Variants in PRKG1 observed in about 807,000 individuals in gnomAD.
PRKG1 encodes protein kinase cGMP-dependent 1.
PRKG1 carries 35 observed loss-of-function variants against 88.1 expected under a neutral mutation model. The ratio of observed to expected loss-of-function variants is 0.40; its 90% CI spans 0.30 to 0.53. PRKG1 has a LOEUF of 0.53. PRKG1 is among the 20% of genes least tolerant of loss of function. The pLI, the probability that PRKG1 is intolerant of heterozygous loss-of-function variation, is 0.59. For missense variants in PRKG1, 540 were observed against 839.8 expected (o/e 0.64, Z 4.41); for synonymous variants, 303 against 292.5 (o/e 1.04, Z -0.37).
At chr10:51,627,958 C>CT (rs772240431) in intron 3 of PRKG1, among the ~76,000 whole-genome samples, 1 of 16,508 alleles carries the variant, frequency 6.1e-5, no homozygotes, top group Non-Finnish European at 1.7e-4. Flanking sequence ...TTCTTTCTTT[C>CT]TTTCTTTCTT....
intron 3 of PRKG1, among the ~76,000 whole-genome samples, chr10:51,634,251 G>A (rs527365736): frequency 6.6e-6 from 1 of 152,254 alleles, no homozygotes; most frequent in African/African-American, 2.4e-5. Context: ...AGAAAAAGAA[G>A]AGAGGATTTG....
chr10:51,492,367 C>G (rs1209421518), intron 3 of PRKG1, among the ~76,000 whole-genome samples: 1 of 151,846 alleles, frequency 6.6e-6, no homozygotes, highest in African/African-American at 2.4e-5. Flanking sequence ...CCAAATAATC[C>G]AACTTTTAAA....
At chr10:52,010,742 A>G (rs1223948830) in intron 5 of PRKG1, among the ~76,000 whole-genome samples, 1 of 152,174 alleles carries the variant, frequency 6.6e-6, no homozygotes, top group Non-Finnish European at 1.5e-5. Context: ...GCGAATTCCT[A>G]TTCTTTATGA....
intron 4 of PRKG1, among the ~76,000 whole-genome samples, chr10:51,841,165 A>G (rs963750128): frequency 2.1e-4 from 32 of 152,324 alleles, no homozygotes; most frequent in Admixed American, 4.6e-4. Context: ...CTTTATCTCC[A>G]GTAAGTCAAT....
At chr10:51,626,548 C>A (rs907704708) in intron 3 of PRKG1, among the ~76,000 whole-genome samples, 10 of 152,154 alleles carry the variant, frequency 6.6e-5, no homozygotes, top group Non-Finnish European at 1.2e-4. Context: ...TTTGTCCAAA[C>A]AACCCACAAA....
chr10:52,272,616 A>G, intron 12 of PRKG1, 135 bp downstream of exon 12: 1 of 687,038 alleles, frequency 1.5e-6, no homozygotes, highest in Non-Finnish European at 2.5e-6. Flanking sequence ...ATTTAAAGTA[A>G]GCACAGGGCA....
intron 1 of PRKG1, among the ~76,000 whole-genome samples, chr10:51,121,823 T>C (rs2879520): frequency 0.8 from 121,204 of 152,074 alleles, 48,883 homozygotes; most frequent in South Asian, 0.88. Context: ...TGAATGGTCT[T>C]GCACAGTAAT....
At chr10:51,561,421 G>T (rs1837458883) in intron 3 of PRKG1, among the ~76,000 whole-genome samples, 1 of 152,088 alleles carries the variant, frequency 6.6e-6, no homozygotes. Context: ...TATCTTGTAA[G>T]GTCAGTCATC....
chr10:52,003,127 T>C (rs1269866901), intron 5 of PRKG1, among the ~76,000 whole-genome samples: 2 of 152,222 alleles, frequency 1.3e-5, no homozygotes, highest in Non-Finnish European at 2.9e-5. Flanking sequence ...ATTCTTTTTT[T>C]ATGACCAAAC....
chr10:51,146,836 T>C lies in PRKG1; in HGVS notation c.312-6328T>C, dbSNP rs567107120. On this transcript the variant is annotated intron_variant, in intron 1 of 17. Coordinates refer to ENST00000373980, the MANE Select transcript of PRKG1 (RefSeq NM_006258.4). ...AGAAAATCAGTATATCAAAGAGATA[T>C]CTGTACTCCCATATTTATTGCAGCA... is the stretch of plus-strand genomic sequence containing the variant. Among the ~76,000 whole-genome samples the C allele has an allele frequency of 1.2e-4, 19 of 152,284 alleles. No individual in the cohort carries two copies. In the South Asian group the frequency reaches 3.1e-3, roughly 25 times the overall value.
At chr10:51,893,133 T>C (rs1841763051) in intron 4 of PRKG1, among the ~76,000 whole-genome samples, 1 of 152,114 alleles carries the variant, frequency 6.6e-6, no homozygotes, top group Non-Finnish European at 1.5e-5. Flanking sequence ...AGTGCCTCAC[T>C]TCCTGATGGT....
At chr10:51,530,588 C>T (rs1160555328) in intron 3 of PRKG1, among the ~76,000 whole-genome samples, 8 of 152,038 alleles carry the variant, frequency 5.3e-5, no homozygotes, top group African/African-American at 9.7e-5. Flanking sequence ...CTGAGGTGAC[C>T]GTCATCATGG....
intron 2 of PRKG1, among the ~76,000 whole-genome samples, chr10:51,347,165 A>G (rs971512794): frequency 2.0e-5 from 3 of 151,656 alleles, no homozygotes; most frequent in Non-Finnish European, 4.4e-5. Context: ...ATACTTGCAC[A>G]CCCCTGGATC....
intron 9 of PRKG1, among the ~76,000 whole-genome samples, chr10:52,166,833 ATATATG>A (rs377268795): frequency 0.57 from 19,419 of 33,940 alleles, 2,857 homozygotes; most frequent in East Asian, 0.7. Flanking sequence ...ATATATGTAT[ATATATG>A]TATATATATG....
rs549933242 is a variant in PRKG1, at chr10:51,772,444, A to G, written c.593-32141A>G. Among the ~76,000 whole-genome samples, 7 of 152,172 alleles carry G rather than the reference A, an allele frequency of 4.6e-5. No individual in the cohort carries two copies. The South Asian group carries it at 1.4e-3, about 32-fold the overall frequency. On this transcript the variant is annotated intron_variant, in intron 3 of 17. Coordinates refer to ENST00000373980, the MANE Select transcript of PRKG1 (RefSeq NM_006258.4). ...TGGTGAATTAAAAAGAATGAATTAA[A>G]CTCATATTAGGTGAAAAAATAACAT...
chr10:51,695,787 A>C (rs2132401365), intron 3 of PRKG1: 1 of 152,308 alleles, frequency 6.6e-6, no homozygotes, highest in South Asian at 2.1e-4. Flanking sequence ...CTTGCAAACA[A>C]AGAATTACTA....
intron 1 of PRKG1, among the ~76,000 whole-genome samples, chr10:51,062,187 G>T (rs967949179): frequency 6.6e-6 from 1 of 152,184 alleles, no homozygotes; most frequent in Admixed American, 6.5e-5. Flanking sequence ...CAGTCTTATT[G>T]AGTACATGGT....
intron 3 of PRKG1, among the ~76,000 whole-genome samples, chr10:51,693,017 T>C (rs1278565022): frequency 6.6e-6 from 1 of 152,136 alleles, no homozygotes; most frequent in Non-Finnish European, 1.5e-5. Context: ...CCAGGTGTGG[T>C]GGCTCACACC....
chr10:52,198,214 C>T (rs1839560229), intron 9 of PRKG1, among the ~76,000 whole-genome samples: 7 of 152,158 alleles, frequency 4.6e-5, no homozygotes, highest in Non-Finnish European at 1.5e-5. Flanking sequence ...TTTCGAGAAA[C>T]TAAATTTGAA....
Sources: allele counts gnomAD v4.1 joint callset (sites outside exome capture counted in the v4.1 genomes callset), GRCh38; gene constraint gnomAD v4.1.1; transcripts MANE v1.5; gene names NCBI Gene and HGNC (gene_info 2026-07-23, HGNC 2026-07-21).